The following MAPK8IP3 variants were observed in gnomAD, a reference collection of about 807,000 sequenced individuals.
MAPK8IP3 encodes the protein C-Jun-amino-terminal kinase-interacting protein 3.
A neutral mutation model predicts 157.8 loss-of-function variants in MAPK8IP3; 49 were observed. That is an observed-to-expected ratio of 0.31 (90% CI 0.25 to 0.39). MAPK8IP3 has a LOEUF of 0.39. Among genes scored for constraint, MAPK8IP3 ranks in the 10% least tolerant of loss-of-function variants. The pLI is 1.00. For missense variants in MAPK8IP3, 1,478 were observed against 1,889.4 expected, an observed-to-expected ratio of 0.78 and a Z score of 4.04; for synonymous variants, 897 against 777.7, an observed-to-expected ratio of 1.15 and a Z score of -2.55.
chr16:1,737,496 G>A (rs545671392), intron 4 of MAPK8IP3, among the ~76,000 whole-genome samples: 1,279 of 83,510 alleles, frequency 0.015, 43 homozygotes, highest in Middle Eastern at 0.038. Flanking sequence ...CCGTGTGAGC[G>A]TCCGTGTGAG....
rs368412544 is a variant in MAPK8IP3 at position 1,766,989 on chromosome 16, G to A, written c.3088+18G>A. ...TGGTGAAGGTGGGGCCTGGCAGCACGGGGTGTGTGGGTGGCAGCTGATGGC... is the reference window on the plus strand; with the variant it reads ...TGGTGAAGGTGGGGCCTGGCAGCACAGGGTGTGTGGGTGGCAGCTGATGGC... On this transcript the variant is annotated intron_variant, in intron 25 of 31. Transcript: ENST00000610761. 75 of 1,574,652 alleles carry A rather than the reference G, an allele frequency of 4.8e-5. No individual in the cohort carries two copies. In the African/African-American group the frequency reaches 5.2e-4, roughly 11 times the overall value.
At chr16:1,739,400 C>G (rs2040446697) in intron 4 of MAPK8IP3, among the ~76,000 whole-genome samples, 3 of 135,572 alleles carry the variant, frequency 2.2e-5, no homozygotes, top group Non-Finnish European at 3.1e-5. Flanking sequence ...ATCCGTGTGA[C>G]CGTCCATGTG....
At chr16:1,748,573 T>G (rs2041108450) in intron 7 of MAPK8IP3, 29 bp from the exon 8 acceptor site, 1 of 1,577,646 alleles carries the variant, frequency 6.3e-7, no homozygotes, top group East Asian at 2.2e-5. Flanking sequence ...CTGACTCTGC[T>G]CTCTCTCCCG....
chr16:1,739,899 C>G (rs2040531634), intron 4 of MAPK8IP3, among the ~76,000 whole-genome samples: 1 of 106,484 alleles, frequency 9.4e-6, no homozygotes, highest in African/African-American at 3.8e-5. Context: ...TCCGTGTGAG[C>G]ATCCCTGTGA....
intron 7 of MAPK8IP3, 85 bp from the exon 8 acceptor site, chr16:1,748,517 G>A: frequency 2.4e-6 from 3 of 1,226,382 alleles, no homozygotes; most frequent in Non-Finnish European, 3.6e-6. Flanking sequence ...GGCCACGGTG[G>A]GAGGTGTTGG....
At chr16:1,763,123 G>A in intron 16 of MAPK8IP3, 117 bp downstream of exon 16, 1 of 1,365,888 alleles carries the variant, frequency 7.3e-7, no homozygotes, top group Non-Finnish European at 1.0e-6. Context: ...CACCTTGCTG[G>A]CCACATGCCA....
In MAPK8IP3 at chr16:1,742,845, G is replaced by A. The variant is rs1323226364; in HGVS notation, c.603-487G>A. On this transcript the variant is annotated intron_variant, in intron 4 of 31. Coordinates refer to ENST00000610761, the MANE Select transcript of MAPK8IP3 (RefSeq NM_001318852.2). This position sits in a 1 kb window ranked among gnomAD's most constrained non-coding sequence, Gnocchi z 5.0. ...GTCTGTTTAAAATTGAACTTAGGCC[G>A]GGCGCGGTGGCTCACGCCTGTAATC... Among the ~76,000 whole-genome samples, 3 of 152,126 alleles carry A rather than the reference G, an allele frequency of 2.0e-5. No individual in the cohort carries two copies. The highest frequency in any genetic ancestry group is 7.2e-5 in the African/African-American group (3 of 41,408).
At chr16:1,745,052 G>A in intron 5 of MAPK8IP3, 7 of 985,426 alleles carry the variant, frequency 7.1e-6, no homozygotes, top group Non-Finnish European at 8.4e-6. Context: ...CAGTGCATTT[G>A]GAGGTCACTG....
At chr16:1,709,738 G>A (rs937119218) in intron 1 of MAPK8IP3, among the ~76,000 whole-genome samples, 11 of 152,240 alleles carry the variant, frequency 7.2e-5, no homozygotes, top group Admixed American at 6.5e-5. Context: ...GAGGAGGGCC[G>A]GGCAGAGCCA....
intron 1 of MAPK8IP3, among the ~76,000 whole-genome samples, chr16:1,711,863 A>G (rs56065313): frequency 0.12 from 17,330 of 150,452 alleles, 1,413 homozygotes; most frequent in African/African-American, 0.23. Context: ...TCGCTTGAAC[A>G]CAGGAGGTAG....
At chr16:1,765,564 G>A (rs771181125) in intron 20 of MAPK8IP3, among the ~76,000 whole-genome samples, 9 of 152,210 alleles carry the variant, frequency 5.9e-5, no homozygotes, top group Non-Finnish European at 1.2e-4. Flanking sequence ...TGTCACCCCT[G>A]TGGGCAGTAG....
At chr16:1,737,977 ACCGT>A (rs753375362) in intron 4 of MAPK8IP3, among the ~76,000 whole-genome samples, 4 of 45,682 alleles carry the variant, frequency 8.8e-5, no homozygotes, top group Non-Finnish European at 1.6e-4. Flanking sequence ...TGAGCGTGTG[ACCGT>A]CCGTGTGACC....
chr16:1,759,620 C>A (rs554452468), intron 10 of MAPK8IP3, among the ~76,000 whole-genome samples: 1 of 152,222 alleles, frequency 6.6e-6, no homozygotes, highest in Non-Finnish European at 1.5e-5. Flanking sequence ...CAACATCACT[C>A]GCCTAGGGTG....
chr16:1,745,236 C>T (rs1224021346), intron 5 of MAPK8IP3: 1 of 956,410 alleles, frequency 1.0e-6, no homozygotes, highest in East Asian at 1.2e-4. Context: ...GCCGGGGACC[C>T]AGCGTGGAGG....
chr16:1,748,784 T>C (rs1364184776), intron 8 of MAPK8IP3, 64 bp downstream of exon 8: 2 of 1,440,126 alleles, frequency 1.4e-6, no homozygotes, highest in East Asian at 2.3e-5. Context: ...TGCTGTTGGT[T>C]TTGTTTGTAA....
At chr16:1,755,471 C>T (rs373679109) in intron 8 of MAPK8IP3, among the ~76,000 whole-genome samples, 3 of 152,076 alleles carry the variant, frequency 2.0e-5, no homozygotes, top group African/African-American at 7.2e-5. Context: ...TATAGTGAGC[C>T]ATGATTGTGC....
intron 1 of MAPK8IP3, among the ~76,000 whole-genome samples, chr16:1,712,441 C>G (rs991836809): frequency 6.6e-6 from 1 of 152,066 alleles, no homozygotes; most frequent in Non-Finnish European, 1.5e-5. Flanking sequence ...CCCAGGGTCT[C>G]CCGGCCACTC....
At chr16:1,729,027 C>G (rs981466065) in intron 2 of MAPK8IP3, 111 bp from the exon 3 acceptor site, 30 of 1,040,178 alleles carry the variant, frequency 2.9e-5, no homozygotes, top group Non-Finnish European at 4.2e-5. Flanking sequence ...TGCCTCAGGA[C>G]CCAGAGTCCC....
intron 30 of MAPK8IP3, 24 bp from the exon 31 acceptor site, chr16:1,768,453 C>T (rs1405283068): frequency 6.3e-7 from 1 of 1,584,748 alleles, no homozygotes; most frequent in East Asian, 2.3e-5. Flanking sequence ...AGGCCGCTGT[C>T]CTGAATCGCT....
Sources: allele counts gnomAD v4.1 joint callset (sites outside exome capture counted in the v4.1 genomes callset), GRCh38; gene constraint gnomAD v4.1.1; non-coding constraint Gnocchi (gnomAD v3.1); transcripts MANE v1.5; gene names NCBI Gene and HGNC (gene_info 2026-07-23, HGNC 2026-07-21).